The following GC variants were observed in gnomAD, a reference collection of about 807,000 sequenced individuals.
GC encodes the protein vitamin D-binding protein.
In GC, 43 loss-of-function variants were observed where a neutral mutation model predicts 56.7. The ratio of observed to expected loss-of-function variants is 0.76; its 90% confidence interval spans 0.59 to 0.98. The LOEUF is 0.98. GC is among the 50% of genes least tolerant of loss of function. The pLI, the probability that GC is intolerant of heterozygous loss-of-function variation, is 0.00. For missense variants in GC, 529 were observed against 545.9 expected (o/e 0.97, Z 0.31); for synonymous variants, 216 against 202.7 (o/e 1.07, Z -0.56).
At chr4:71,781,652 T>G (rs1049593176) in intron 1 of GC, among the ~76,000 whole-genome samples, 1 of 151,904 alleles carries the variant, frequency 6.6e-6, no homozygotes, top group Non-Finnish European at 1.5e-5. Flanking sequence ...TATTGTATAT[T>G]AGTATTTCAT....
At chr4:71,754,896 CA>C in intron 9 of GC, 81 bp downstream of exon 9, 1 of 849,148 alleles carries the variant, frequency 1.2e-6, no homozygotes, top group Non-Finnish European at 1.8e-6. Flanking sequence ...AAAAAGTAGG[CA>C]GTGAGCAAGT....
chr4:71,793,518 T>A (rs561437655), intron 1 of GC, among the ~76,000 whole-genome samples: 1 of 151,572 alleles, frequency 6.6e-6, no homozygotes, highest in African/African-American at 2.4e-5. Flanking sequence ...ATCCTGAGAC[T>A]TTGCTGAAAT....
intron 1 of GC, among the ~76,000 whole-genome samples, chr4:71,797,716 G>A (rs745838081): frequency 3.3e-5 from 5 of 152,220 alleles, no homozygotes; most frequent in Admixed American, 1.3e-4. Flanking sequence ...ACCAGGTACC[G>A]CAGTTGGAAG....
intron 1 of GC, among the ~76,000 whole-genome samples, chr4:71,778,625 G>A (rs1160205675): frequency 1.3e-5 from 2 of 151,832 alleles, no homozygotes; most frequent in Non-Finnish European, 2.9e-5. Context: ...GTTTTAAAAT[G>A]TTGACAAGTG....
chr4:71,801,804 T>C (rs1743260209), intron 1 of GC, among the ~76,000 whole-genome samples: 1 of 152,100 alleles, frequency 6.6e-6, no homozygotes, highest in Non-Finnish European at 1.5e-5. Context: ...TAACTGGATG[T>C]CACTTTTTAA....
intron 11 of GC, among the ~76,000 whole-genome samples, chr4:71,747,992 A>G (rs779531593): frequency 6.6e-6 from 1 of 152,206 alleles, no homozygotes; most frequent in African/African-American, 2.4e-5. Flanking sequence ...TGCTTTTGTC[A>G]TGACTAGCTA....
intron 1 of GC, among the ~76,000 whole-genome samples, chr4:71,798,358 A>G (rs2149310769): frequency 6.6e-6 from 1 of 152,250 alleles, no homozygotes; most frequent in Non-Finnish European, 1.5e-5. Context: ...CTGAACTATG[A>G]GTGACATTTT....
intron 1 of GC, among the ~76,000 whole-genome samples, chr4:71,775,125 G>A (rs1393935781): frequency 2.0e-5 from 3 of 150,920 alleles, no homozygotes; most frequent in African/African-American, 7.3e-5. Context: ...CAGGCGCTTT[G>A]GTCTTAGTAG....
intron 11 of GC, among the ~76,000 whole-genome samples, chr4:71,751,840 T>TA (rs5859287): frequency 0.22 from 33,705 of 151,986 alleles, 4,317 homozygotes; most frequent in Non-Finnish European, 0.29. Flanking sequence ...AAATTCGTAA[T>TA]AAAAAATGAC....
At chr4:71,754,803 A>G (rs1012460679) in intron 9 of GC, among the ~76,000 whole-genome samples, 175 bp downstream of exon 9, 1 of 152,236 alleles carries the variant, frequency 6.6e-6, no homozygotes, top group African/African-American at 2.4e-5. Context: ...TTCATGGGTC[A>G]TGAGATACTG....
chr4:71,780,047 C>G (rs931993855), intron 1 of GC, among the ~76,000 whole-genome samples: 1 of 151,830 alleles, frequency 6.6e-6, no homozygotes, highest in Non-Finnish European at 1.5e-5. Flanking sequence ...TGGTTTATTT[C>G]CTGTTGGCAT....
At chr4:71,756,630 C>CCTTCCCTCCA in intron 8 of GC, 82 bp downstream of exon 8, 1 of 837,780 alleles carries the variant, frequency 1.2e-6, no homozygotes, top group Non-Finnish European at 2.0e-6. Flanking sequence ...TGATAGCATA[C>CCTTCCCTCCA]CTTCCCTCCA....
intron 1 of GC, 29 bp from the exon 2 acceptor site, chr4:71,769,429 T>G: frequency 6.9e-7 from 1 of 1,440,348 alleles, no homozygotes; most frequent in Non-Finnish European, 9.8e-7. Flanking sequence ...AAAATTTGTA[T>G]GTGTCCCCTT....
At chr4:71,803,779 C>T (rs141824743) in intron 1 of GC, 1 of 647,150 alleles carries the variant, frequency 1.5e-6, no homozygotes, top group African/African-American at 1.8e-5. Flanking sequence ...ATCGAGAAAT[C>T]ACTTTCTTAT....
intron 7 of GC, 111 bp downstream of exon 7, chr4:71,757,931 G>A: frequency 1.3e-6 from 1 of 752,084 alleles, no homozygotes; most frequent in Non-Finnish European, 2.1e-6. Context: ...ATACATGTAA[G>A]CATCCGTTAG....
intron 1 of GC, among the ~76,000 whole-genome samples, chr4:71,778,041 TA>T (rs60216664): frequency 0.11 from 15,949 of 150,938 alleles, 1,314 homozygotes; most frequent in East Asian, 0.24. Context: ...TATATATATA[TA>T]AAAAAAAACA....
chr4:71,763,772 C>T (rs146237303), intron 5 of GC, 32 bp downstream of exon 5: 61 of 1,558,522 alleles, frequency 3.9e-5, no homozygotes, highest in East Asian at 3.8e-4. Context: ...AAGAAAAAAA[C>T]GTAAACATAT....
chr4:71,761,814 A>C (rs968250701), intron 6 of GC, among the ~76,000 whole-genome samples: 1 of 152,204 alleles, frequency 6.6e-6, no homozygotes, highest in Non-Finnish European at 1.5e-5. Context: ...CTGCGGATGC[A>C]CAGAAGTCAA....
At chr4:71,788,334 T>C (rs773364352), upstream of GC, among the ~76,000 whole-genome samples, 5 of 151,884 alleles carry the variant, frequency 3.3e-5, no homozygotes, top group Non-Finnish European at 7.4e-5. Flanking sequence ...GGGGCGGTTA[T>C]AGAAATATAT....
Sources: gnomAD v4.1 joint callset for allele counts (sites outside exome capture counted in the v4.1 genomes callset) on GRCh38, gnomAD v4.1.1 for gene constraint, MANE v1.5 for transcripts, NCBI Gene and HGNC (gene_info 2026-07-23, HGNC 2026-07-21) for gene names.